The following ACSL4 variants were observed in gnomAD, a reference collection of about 807,000 sequenced individuals.
ACSL4 encodes long-chain-fatty-acid--CoA ligase 4.
Under a neutral mutation model 49.1 loss-of-function variants are expected in ACSL4, and 9 were observed. That is an observed-to-expected ratio of 0.18 (90% CI 0.11 to 0.32). The LOEUF is 0.32. ACSL4 is among the 10% of genes least tolerant of loss of function. The pLI is 1.00. For synonymous variants in ACSL4, 191 were observed against 170.3 expected, an observed-to-expected ratio of 1.12 and a Z score of -0.95; for missense variants, 333 against 493.7, an observed-to-expected ratio of 0.67 and a Z score of 3.08.
At chrX:109,697,464 C>T (rs764866521) in intron 1 of ACSL4, among the ~76,000 whole-genome samples, 9 of 111,147 alleles carry the variant, frequency 8.1e-5, no homozygotes, top group Admixed American at 1.9e-4. Flanking sequence ...TTTCTCTTTG[C>T]TACCATTAAA....
Position 109,669,057 on chromosome X carries a change from T to C in ACSL4, c.1119A>G (p.Gly373=). 8.3e-7 allele frequency: 1 copy of C among 1,204,177 alleles called. No individual in the cohort carries two copies. The highest frequency in any genetic ancestry group is 1.8e-5 in the South Asian group (1 of 56,665). The part of the protein sequence containing the change: ...YDYKLEQIKK[G]YDAPLCNLLL... ...ACAGATTGCAAAGAGGTGCATCATA[T>C]CCCTTTTTGATCTGTTCCAATTTGT... The change falls in exon 10 of 16, where the codon GGA becomes GGG. Residue 373 remains glycine (G), a synonymous_variant. Coordinates refer to ENST00000672401, the MANE Select transcript of ACSL4 (RefSeq NM_001318510.2).
chrX:109,706,981 TAC>T (rs1926397794), intron 1 of ACSL4, among the ~76,000 whole-genome samples: 3 of 112,421 alleles, frequency 2.7e-5, no homozygotes, highest in African/African-American at 9.7e-5. Context: ...ACATAAGTCT[TAC>T]ACACAGAGAA....
At chrX:109,671,088 C>T (rs1262272209) in intron 9 of ACSL4, among the ~76,000 whole-genome samples, 21 of 109,719 alleles carry the variant, frequency 1.9e-4, no homozygotes, top group Non-Finnish European at 3.1e-4. Flanking sequence ...GGCCGCCCAT[C>T]GTCTGGGATG....
At chrX:109,697,098 C>T (rs1925498338) in intron 1 of ACSL4, among the ~76,000 whole-genome samples, 1 of 112,211 alleles carries the variant, frequency 8.9e-6, no homozygotes, top group African/African-American at 3.2e-5. Flanking sequence ...AAAATATATA[C>T]ACCAGAAATG....
At chrX:109,678,821 A>G (rs771051165) in intron 6 of ACSL4, among the ~76,000 whole-genome samples, 3 of 112,564 alleles carry the variant, frequency 2.7e-5, no homozygotes, top group Non-Finnish European at 3.8e-5. Context: ...GAAAACAAAA[A>G]TGTTTATCAA....
intron 2 of ACSL4, chrX:109,683,613 C>A: frequency 2.0e-6 from 1 of 506,440 alleles, no homozygotes; most frequent in Non-Finnish European, 3.3e-6. Flanking sequence ...GCAGTTCAAT[C>A]TTAGTGATAC....
intron 15 of ACSL4, among the ~76,000 whole-genome samples, chrX:109,659,087 C>T (rs959612617): frequency 6.3e-5 from 7 of 111,934 alleles, no homozygotes; most frequent in Admixed American, 5.7e-4. Context: ...TATAACAGAT[C>T]TACCCAAAGA....
At chrX:109,690,519 T>G (rs768344488) in intron 2 of ACSL4, among the ~76,000 whole-genome samples, 1 of 111,640 alleles carries the variant, frequency 9.0e-6, no homozygotes, top group African/African-American at 3.3e-5. Flanking sequence ...TCCTTTGAGG[T>G]AGTACCTTCA....
At chrX:109,727,657 TTGTGTGTGTGTGTGTGTGTG>T (rs35186119) in intron 1 of ACSL4, among the ~76,000 whole-genome samples, 28 of 88,409 alleles carry the variant, frequency 3.2e-4, no homozygotes, top group East Asian at 1.7e-3. Context: ...GTTTGTTAAA[TTGTGTGTGTGTGTGTGTGTG>T]TGTGTGTGTG....
At chrX:109,708,469 G>A (rs1437550139) in intron 1 of ACSL4, among the ~76,000 whole-genome samples, 1 of 112,134 alleles carries the variant, frequency 8.9e-6, no homozygotes, top group African/African-American at 3.2e-5. Flanking sequence ...CTAAAAGTTG[G>A]CTTTATTTGT....
At chrX:109,698,423 T>C (rs959246643) in intron 1 of ACSL4, among the ~76,000 whole-genome samples, 13 of 111,685 alleles carry the variant, frequency 1.2e-4, no homozygotes, top group Admixed American at 1.9e-4. Context: ...ATTACCACCA[T>C]GTGGGTTGCA....
At chrX:109,673,602 T>A (rs987945984) in intron 9 of ACSL4, among the ~76,000 whole-genome samples, 15 of 112,375 alleles carry the variant, frequency 1.3e-4, no homozygotes, top group South Asian at 3.6e-4. Context: ...AATTAGAAGC[T>A]AAAAGGACCA....
chrX:109,681,803 C>G (rs1924184897), intron 4 of ACSL4, among the ~76,000 whole-genome samples: 1 of 111,853 alleles, frequency 8.9e-6, no homozygotes, highest in Non-Finnish European at 1.9e-5. Flanking sequence ...GTCATAAGAT[C>G]AGCCACAGAT....
At chrX:109,723,897 G>A (rs1183638435) in intron 1 of ACSL4, among the ~76,000 whole-genome samples, 1 of 112,222 alleles carries the variant, frequency 8.9e-6, no homozygotes, top group Non-Finnish European at 1.9e-5. Context: ...AATCTGTCTG[G>A]TGAAAAACGG....
At chrX:109,657,981 T>G (rs1921833756) in intron 15 of ACSL4, among the ~76,000 whole-genome samples, 1 of 111,870 alleles carries the variant, frequency 8.9e-6, no homozygotes, top group Non-Finnish European at 1.9e-5. Flanking sequence ...ATGATGAGCA[T>G]TTTTTCATGT....
intron 9 of ACSL4, 71 bp downstream of exon 9, chrX:109,674,331 A>G (rs1923502801): frequency 1.1e-6 from 1 of 894,713 alleles, no homozygotes; most frequent in Non-Finnish European, 1.6e-6. Flanking sequence ...ATTACTTTTT[A>G]AAAGGTCCAA....
chrX:109,643,991 G>C lies in ACSL4; in HGVS notation c.*38C>G. 8.3e-7 allele frequency: 1 copy of C among 1,203,251 alleles called. No individual in the cohort carries two copies. Among genetic ancestry groups the C allele is most frequent in the Admixed American group, 2.2e-5 (1 of 45,960 alleles). The stretch of plus-strand genomic sequence containing the variant: ...AATTCTAGAGGTTGAAAACCACCAG[G>C]CTACCTCCTGCACAACTGTCAATAA... On this transcript the variant is annotated 3_prime_UTR_variant, in exon 16 of 16. Transcript: ENST00000672401.
At chrX:109,670,783 G>T (rs1446224993) in intron 9 of ACSL4, among the ~76,000 whole-genome samples, 93 of 111,405 alleles carry the variant, frequency 8.3e-4, no homozygotes, top group Non-Finnish European at 1.6e-3. Flanking sequence ...GTGCCGCCAC[G>T]CCTGACTGGT....
intron 15 of ACSL4, among the ~76,000 whole-genome samples, chrX:109,656,620 A>T (rs1420866821): frequency 9.0e-6 from 1 of 110,604 alleles, no homozygotes. Flanking sequence ...AAAACAACTA[A>T]AGTTGAAGAC....
Sources: allele counts gnomAD v4.1 joint callset (sites outside exome capture counted in the v4.1 genomes callset), GRCh38; gene constraint gnomAD v4.1.1; transcripts MANE v1.5; gene names NCBI Gene and HGNC (gene_info 2026-07-23, HGNC 2026-07-21).